The following AKR1C4 variants were observed in gnomAD, a reference collection of about 807,000 sequenced individuals.
AKR1C4 encodes the protein aldo-keto reductase family 1 member C4.
AKR1C4 carries 44 observed loss-of-function variants against 41.0 expected under a neutral mutation model. The ratio of observed to expected loss-of-function variants is 1.07; its 90% CI spans 0.84 to 1.38. AKR1C4 has a LOEUF of 1.38. Among genes scored for constraint, AKR1C4 ranks in the 40% most tolerant of loss-of-function variants. The pLI is 0.00. For synonymous variants in AKR1C4, 165 were observed against 137.7 expected (o/e 1.20, Z -1.39); for missense variants, 438 against 387.9 (o/e 1.13, Z -1.09).
intron 8 of AKR1C4, among the ~76,000 whole-genome samples, chr10:5,217,441 G>T (rs888288473): frequency 6.6e-6 from 1 of 152,182 alleles, no homozygotes; most frequent in African/African-American, 2.4e-5. Context: ...AGAGTATAAA[G>T]AAGCTTTAGA....
intron 2 of AKR1C4, among the ~76,000 whole-genome samples, chr10:5,200,750 C>T (rs1389314846): frequency 1.3e-5 from 2 of 152,134 alleles, no homozygotes; most frequent in African/African-American, 4.8e-5. Context: ...TTTTATCCCT[C>T]ACCTCACTCC....
intron 8 of AKR1C4, 101 bp downstream of exon 8, chr10:5,216,894 G>C (rs189129615): frequency 1.3e-6 from 1 of 743,608 alleles, no homozygotes; most frequent in Non-Finnish European, 2.3e-6. Context: ...AGAGGCCAGT[G>C]CAAGTGAGAG....
In AKR1C4 at chr10:5,200,245, A is replaced by T. The variant is rs1554796772; in HGVS notation, c.149A>T (p.Asp50Val). 1 of 1,614,208 alleles carries T rather than the reference A, an allele frequency of 6.2e-7. No individual in the cohort carries two copies. The highest frequency in any genetic ancestry group is 2.2e-5 in the East Asian group (1 of 44,886). Residue 50 changes from aspartate (D) to valine (V), a missense_variant, in exon 2 of 9, where the codon GAT (aspartate) becomes GTT (valine). Coordinates refer to ENST00000263126, the MANE Select transcript of AKR1C4 (RefSeq NM_001818.5). ...ATAGAAGCTGGCTTCCGCCATATTG[A>T]TTCTGCTTATTTATACAATAATGAG... Reference protein sequence around the residue: ...LAIEAGFRHIDSAYLYNNEEQ... With the variant: ...LAIEAGFRHIVSAYLYNNEEQ...
intron 5 of AKR1C4, among the ~76,000 whole-genome samples, chr10:5,208,520 T>C (rs1408068528): frequency 2.0e-5 from 3 of 151,590 alleles, no homozygotes; most frequent in African/African-American, 4.9e-5. Flanking sequence ...TATAGGCATA[T>C]ATGAGTATAT....
Position 5,212,655 on chromosome 10 carries a change from G to A in AKR1C4, c.610G>A (p.Asp204Asn), listed in dbSNP as rs1554798055. 6.2e-7 allele frequency: 1 copy of A among 1,613,802 alleles called. No homozygotes were observed. The highest frequency in any genetic ancestry group is 2.2e-5 in the East Asian group (1 of 44,888). ...HPYLNQSKLL[D>N]FCKSKDIVLV... ...TTACCTCAACCAGAGCAAACTGCTG[G>A]ATTTCTGCAAGTCAAAAGACATTGT... The change falls in exon 6 of 9, where the codon GAT becomes AAT. Residue 204 changes from aspartate (D) to asparagine (N), a missense_variant. By Grantham distance (23) the Asp-to-Asn change is conservative. Coordinates refer to ENST00000263126, the MANE Select transcript of AKR1C4 (RefSeq NM_001818.5).
chr10:5,214,189 G>A (rs938421019), intron 7 of AKR1C4, among the ~76,000 whole-genome samples: 2 of 152,054 alleles, frequency 1.3e-5, no homozygotes, highest in Admixed American at 1.3e-4. Flanking sequence ...ATACTAAAAT[G>A]TCCTACTAAG....
At chr10:5,200,983 C>T (rs1554796888) in intron 2 of AKR1C4, among the ~76,000 whole-genome samples, 2 of 151,798 alleles carry the variant, frequency 1.3e-5, no homozygotes, top group African/African-American at 2.4e-5. Flanking sequence ...TATATATATA[C>T]CACATTTTCA....
chr10:5,217,870 C>T (rs929991054), intron 8 of AKR1C4, among the ~76,000 whole-genome samples: 3 of 152,186 alleles, frequency 2.0e-5, no homozygotes, highest in Non-Finnish European at 4.4e-5. Context: ...CTAGGATTCA[C>T]AGAAAGGCAC....
rs375273713 is a variant in AKR1C4, at chr10:5,199,393, G to A, written c.85-788G>A. ...CGTGGTCCCTGGCTACGGCTCCACC[G>A]CCTCGGACCTAGGTGAGGACAGGCA... On this transcript the variant is annotated intron_variant, in intron 1 of 8. Transcript: ENST00000263126. Among the ~76,000 whole-genome samples the A allele has an allele frequency of 6.6e-5, 10 of 152,194 alleles. No individual in the cohort carries two copies. The South Asian group carries it at 2.1e-3, about 32-fold the overall frequency.
At chr10:5,217,488 A>AGT in intron 8 of AKR1C4, among the ~76,000 whole-genome samples, 1 of 152,228 alleles carries the variant, frequency 6.6e-6, no homozygotes, top group East Asian at 1.9e-4. Context: ...AGCCAGGCTC[A>AGT]GTGGCTCATG....
intron 2 of AKR1C4, among the ~76,000 whole-genome samples, chr10:5,200,572 G>C (rs1416109285): frequency 6.6e-6 from 1 of 152,208 alleles, no homozygotes; most frequent in Non-Finnish European, 1.5e-5. Context: ...TTTAGGTTTT[G>C]AGCCTCAGCT....
chr10:5,199,413 C>A (rs1461882349), intron 1 of AKR1C4, among the ~76,000 whole-genome samples: 1 of 152,146 alleles, frequency 6.6e-6, no homozygotes, highest in Admixed American at 6.5e-5. Flanking sequence ...TAGGTGAGGA[C>A]AGGCATTTTT....
At position 5,200,369 on chromosome 10, in the gene AKR1C4, A is replaced by T. The variant is rs201323477; in HGVS notation, c.252+21A>T. Reference sequence around the variant, plus strand: ...CAAAGGTACTGTGCCTATGATGAGCATGTATGCACATGTGTTTAATGGGAT... The same window carrying T: ...CAAAGGTACTGTGCCTATGATGAGCTTGTATGCACATGTGTTTAATGGGAT... On this transcript the variant is annotated intron_variant, in intron 2 of 8. Transcript: ENST00000263126. The T allele has an allele frequency of 3.0e-4, 484 of 1,597,912 alleles. No homozygotes were observed. In the Middle Eastern group the frequency reaches 4.0e-3, roughly 13 times the overall value.
At chr10:5,207,820 C>T (rs1832512903) in intron 5 of AKR1C4, 1 of 302,312 alleles carries the variant, frequency 3.3e-6, no homozygotes, top group South Asian at 3.1e-5. Flanking sequence ...AGACTGTCTA[C>T]AGCCTAGTTT....
intron 8 of AKR1C4, among the ~76,000 whole-genome samples, chr10:5,217,790 G>C (rs1832676263): frequency 6.6e-6 from 1 of 152,144 alleles, no homozygotes; most frequent in African/African-American, 2.4e-5. Context: ...GGAAGAGTTG[G>C]AAAGTCCCAT....
intron 1 of AKR1C4, among the ~76,000 whole-genome samples, chr10:5,198,652 C>T (rs552446657): frequency 2.4e-4 from 37 of 152,226 alleles, no homozygotes; most frequent in East Asian, 5.8e-4. Flanking sequence ...GAACTTACAC[C>T]GTATTCTTAC....
In AKR1C4 at chr10:5,216,783, G is replaced by T. The variant is rs782676546; in HGVS notation, c.919G>T (p.Val307Phe). 3 of 1,607,544 alleles carry T rather than the reference G, an allele frequency of 1.9e-6. No homozygotes were observed. The highest frequency in any genetic ancestry group is 2.6e-6 in the Non-Finnish European group (3 of 1,175,836). Residue 307 changes from valine (V) to phenylalanine (F), a missense_variant, in exon 8 of 9, where the codon GTC (valine) becomes TTC (phenylalanine). Coordinates refer to ENST00000263126, the MANE Select transcript of AKR1C4 (RefSeq NM_001818.5). ...TCTAAACAGAAATTATCGATATGTT[G>T]TCATGGATTTGTAAGTAACTTTGGA... ...DGLNRNYRYVVMDFLMDHPDY... is the reference protein window; with the variant it reads ...DGLNRNYRYVFMDFLMDHPDY...
At chr10:5,207,599 A>G in intron 5 of AKR1C4, 1 of 1,129,510 alleles carries the variant, frequency 8.9e-7, no homozygotes. Flanking sequence ...GAAATTGAGA[A>G]ATTGTTAGCA....
intron 1 of AKR1C4, among the ~76,000 whole-genome samples, chr10:5,198,780 G>T (rs1439894162): frequency 6.6e-6 from 1 of 152,224 alleles, no homozygotes; most frequent in Non-Finnish European, 1.5e-5. Flanking sequence ...GCCAAGGCAG[G>T]TGGATCCCTT....
Sources: gnomAD v4.1 joint callset for allele counts (sites outside exome capture counted in the v4.1 genomes callset) on GRCh38, gnomAD v4.1.1 for gene constraint, MANE v1.5 for transcripts, NCBI Gene and HGNC (gene_info 2026-07-23, HGNC 2026-07-21) for gene names.